Variants in MAN1C1 observed in about 807,000 individuals in gnomAD.
MAN1C1 encodes mannosyl-oligosaccharide 1,2-alpha-mannosidase IC.
In MAN1C1, 49 loss-of-function variants were observed where a neutral mutation model predicts 71.5. That is an observed-to-expected ratio of 0.69 (90% CI 0.54 to 0.87). The LOEUF (loss-of-function observed/expected upper bound fraction) is 0.87. Among genes scored for constraint, MAN1C1 ranks in the 40% least tolerant of loss-of-function variants. MAN1C1 has a pLI of 0.00. For synonymous variants in MAN1C1, 352 were observed against 343.7 expected, an observed-to-expected ratio of 1.02 and a Z score of -0.27; for missense variants, 743 against 835.0, an observed-to-expected ratio of 0.89 and a Z score of 1.36.
At chr1:25,656,751 C>G (rs2045773374) in intron 1 of MAN1C1, among the ~76,000 whole-genome samples, 1 of 151,678 alleles carries the variant, frequency 6.6e-6, no homozygotes, top group Non-Finnish European at 1.5e-5. Flanking sequence ...GCTAGCTGTT[C>G]AGGTTTGCTA....
chr1:25,667,010 C>T (rs974195497), intron 1 of MAN1C1, among the ~76,000 whole-genome samples: 3 of 152,190 alleles, frequency 2.0e-5, no homozygotes, highest in Admixed American at 6.5e-5. Flanking sequence ...AGTCCCAGTT[C>T]TGGAGGCAGC....
intron 8 of MAN1C1, 138 bp from the exon 9 acceptor site, chr1:25,777,967 C>T (rs2047640568): frequency 3.1e-6 from 2 of 639,590 alleles, no homozygotes; most frequent in Non-Finnish European, 2.7e-6. Context: ...GATCAATGGG[C>T]CTCCTTTGCC....
In MAN1C1 at chr1:25,758,698, T is replaced by G; in HGVS notation, c.1036T>G (p.Phe346Val). The G allele has an allele frequency of 6.2e-7, 1 of 1,613,766 alleles. No homozygotes were observed. The highest frequency in any genetic ancestry group is 8.5e-7 in the Non-Finnish European group (1 of 1,179,650). ...CACTGAACTCTCTGGCAACCAGGTCTTCGCTGAAAAGGCAAGTCTCCTCCC... is the reference window on the plus strand; with the variant it reads ...CACTGAACTCTCTGGCAACCAGGTCGTCGCTGAAAAGGCAAGTCTCCTCCC... ...HLTELSGNQV[F>V]AEKVRNIRKV... Residue 346 changes from phenylalanine to valine, a missense_variant, in exon 6 of 12, where the codon TTC becomes GTC. Coordinates refer to ENST00000374332, the MANE Select transcript of MAN1C1 (RefSeq NM_020379.4).
intron 1 of MAN1C1, among the ~76,000 whole-genome samples, chr1:25,651,945 C>T (rs2045698591): frequency 6.6e-6 from 1 of 152,050 alleles, no homozygotes; most frequent in Non-Finnish European, 1.5e-5. Context: ...GAGAGAAGAC[C>T]CTGCTGCCTG....
rs751152722 is a variant in MAN1C1, at chr1:25,753,462, C to T, written c.835-22C>T. The T allele has an allele frequency of 5.6e-6, 9 of 1,595,598 alleles. No individual in the cohort carries two copies. Among genetic ancestry groups the T allele is most frequent in the Admixed American group, 1.7e-5 (1 of 58,838 alleles). ...CCTCACCCAGCCTGGAGTCAAAAGC[C>T]CTTTGATCCCCTCCTTTACAGGTGT... On this transcript the variant is annotated intron_variant, in intron 4 of 11. Transcript: ENST00000374332. This position sits in a 1 kb window ranked among gnomAD's most constrained non-coding sequence, Gnocchi z 4.9.
At chr1:25,701,504 C>T (rs986844631) in intron 2 of MAN1C1, among the ~76,000 whole-genome samples, 2 of 152,234 alleles carry the variant, frequency 1.3e-5, no homozygotes, top group Non-Finnish European at 2.9e-5. Context: ...CACAGCCAGG[C>T]TTGTCTGCCT....
intron 1 of MAN1C1, among the ~76,000 whole-genome samples, chr1:25,657,358 C>A (rs1239007100): frequency 6.6e-6 from 1 of 152,216 alleles, no homozygotes; most frequent in Non-Finnish European, 1.5e-5. Flanking sequence ...GGTTATCAGG[C>A]CAGCCTGGCC....
chr1:25,620,761 G>A (rs6669840), intron 1 of MAN1C1, among the ~76,000 whole-genome samples: 13,231 of 152,148 alleles, frequency 0.087, 1,281 homozygotes, highest in East Asian at 0.21. Flanking sequence ...AGAGAGAGAA[G>A]GTGATAAATG....
chr1:25,698,778 C>T (rs1277054745), intron 2 of MAN1C1, among the ~76,000 whole-genome samples: 6 of 151,694 alleles, frequency 4.0e-5, no homozygotes, highest in Admixed American at 1.3e-4. Flanking sequence ...GGTAAAACCC[C>T]GTCTCTACTA....
chr1:25,652,378 A>C (rs1487648840), intron 1 of MAN1C1, among the ~76,000 whole-genome samples: 2 of 152,228 alleles, frequency 1.3e-5, no homozygotes, highest in African/African-American at 4.8e-5. Context: ...GAGTCTGCTC[A>C]GTGTGGCAGT....
chr1:25,783,644 T>C lies in MAN1C1; in HGVS notation c.1767-19T>C. On this transcript the variant is annotated intron_variant, in intron 11 of 11. Transcript: ENST00000374332. Reference sequence around the variant, plus strand: ...ACTGACAGACTGTGTCTTGCTTCCCTGCCCTGCGTGGGGCACAGGTATCTC... The same window carrying C: ...ACTGACAGACTGTGTCTTGCTTCCCCGCCCTGCGTGGGGCACAGGTATCTC... The C allele has an allele frequency of 6.2e-7, 1 of 1,609,694 alleles. No individual in the cohort carries two copies. The highest frequency in any genetic ancestry group is 8.5e-7 in the Non-Finnish European group (1 of 1,179,404).
intron 6 of MAN1C1, among the ~76,000 whole-genome samples, chr1:25,762,119 TTTCTTTTC>T (rs2047367672): frequency 7.6e-6 from 1 of 131,672 alleles, no homozygotes; most frequent in African/African-American, 3.3e-5. Context: ...TTTCTTTTCT[TTTCTTTTC>T]TTTTTTTTTT....
In MAN1C1 at chr1:25,778,198, C is replaced by G. The variant is rs749350105; in HGVS notation, c.1351C>G (p.Leu451Val). ...GGILDHKMGH[L>V]ACFSGGMIAL... ...GATTCTGGACCACAAGATGGGGCAC[C>G]TGGCCTGTTTCTCCGGGGGCATGAT... Residue 451 changes from leucine (L) to valine (V), a missense_variant, in exon 9 of 12, where the codon CTG becomes GTG. Transcript: ENST00000374332. The surrounding 1 kb of genome is among the most constrained non-coding windows in gnomAD (Gnocchi z 5.5). 3 of 1,613,770 alleles carry G rather than the reference C, an allele frequency of 1.9e-6. No individual in the cohort carries two copies. Among genetic ancestry groups the G allele is most frequent in the African/African-American group, 1.3e-5 (1 of 75,046 alleles).
At chr1:25,757,848 C>T (rs760698138) in intron 5 of MAN1C1, among the ~76,000 whole-genome samples, 5 of 152,256 alleles carry the variant, frequency 3.3e-5, no homozygotes, top group Admixed American at 6.5e-5. Flanking sequence ...CTCTGGGTCC[C>T]AGCTCTTCAA....
chr1:25,695,354 C>T (rs776391441), intron 2 of MAN1C1, among the ~76,000 whole-genome samples: 1 of 152,112 alleles, frequency 6.6e-6, no homozygotes, highest in Non-Finnish European at 1.5e-5. Flanking sequence ...ATATAAAAGT[C>T]GGAGGAAATG....
chr1:25,662,823 A>G (rs2045869144), intron 1 of MAN1C1, among the ~76,000 whole-genome samples: 1 of 152,212 alleles, frequency 6.6e-6, no homozygotes, highest in African/African-American at 2.4e-5. Flanking sequence ...GCACTTTGGG[A>G]GGCCAAGGCG....
At chr1:25,740,439 T>G (rs2047045751) in intron 2 of MAN1C1, among the ~76,000 whole-genome samples, 1 of 151,902 alleles carries the variant, frequency 6.6e-6, no homozygotes, top group African/African-American at 2.4e-5. Context: ...TTGTTGTTGT[T>G]GTTGTCGTTG....
At position 25,769,427 on chromosome 1, in the gene MAN1C1, A is replaced by G. The variant is rs146996195; in HGVS notation, c.1142-2230A>G. Among the ~76,000 whole-genome samples, 1 of 152,086 alleles carries G rather than the reference A, an allele frequency of 6.6e-6. No homozygotes were observed. Among genetic ancestry groups the G allele is most frequent in the Non-Finnish European group, 1.5e-5 (1 of 67,974 alleles). ...CACACACAAGCTGTAAAGCAGTGGG[A>G]CTTTCACATGTGAGATGCCCACATA... On this transcript the variant is annotated intron_variant, in intron 7 of 11. Transcript: ENST00000374332. This position sits in a 1 kb window ranked among gnomAD's most constrained non-coding sequence, Gnocchi z 4.8.
chr1:25,763,283 G>A (rs2047384259), intron 6 of MAN1C1, among the ~76,000 whole-genome samples: 1 of 151,914 alleles, frequency 6.6e-6, no homozygotes, highest in African/African-American at 2.4e-5. Flanking sequence ...AAGGTCAGGA[G>A]TTTGAGACCA....
Sources: gnomAD v4.1 joint callset for allele counts (sites outside exome capture counted in the v4.1 genomes callset) on GRCh38, gnomAD v4.1.1 for gene constraint, Gnocchi (gnomAD v3.1) non-coding constraint, MANE v1.5 for transcripts, NCBI Gene and HGNC (gene_info 2026-07-23, HGNC 2026-07-21) for gene names.